Variants in SPSB4 observed in about 807,000 individuals in gnomAD.
SPSB4 encodes splA/ryanodine receptor domain and SOCS box containing 4, also known as SPRY domain-containing SOCS box protein 4.
A neutral mutation model predicts 20.9 loss-of-function variants in SPSB4; 21 were observed. The ratio of observed to expected loss-of-function variants is 1.01; its 90% CI spans 0.71 to 1.45. The LOEUF (loss-of-function observed/expected upper bound fraction) is 1.45, where lower values mean the gene tolerates loss of function less well. Ranked by LOEUF, SPSB4 falls within the 40% of genes most tolerant of loss-of-function variation. The probability of loss-of-function intolerance (pLI) is 0.00; values close to 1 mark genes in which losing one functional copy is unlikely to be tolerated. For missense variants in SPSB4, 399 were observed against 399.2 expected (o/e 1.00, Z 0.00); for synonymous variants, 207 against 183.8 (o/e 1.13, Z -1.02).
At chr3:141,063,706 T>C (rs1937811314) in intron 1 of SPSB4, among the ~76,000 whole-genome samples, 1 of 152,248 alleles carries the variant, frequency 6.6e-6, no homozygotes, top group African/African-American at 2.4e-5. Flanking sequence ...CGTTTATTCC[T>C]TTCTTTCTTC....
Position 141,071,661 on chromosome 3 carries a change from G to A in SPSB4, c.694+4863G>A, listed in dbSNP as rs561120638. On this transcript the variant is annotated intron_variant, in intron 2 of 2. Coordinates refer to ENST00000310546, the MANE Select transcript of SPSB4 (RefSeq NM_080862.3). Reference sequence around the variant, plus strand: ...CCTATGCCTGGGCCAACCTGCCCAAGCCTGCCCACCACTGAGCATGGCCTG... The same window carrying A: ...CCTATGCCTGGGCCAACCTGCCCAAACCTGCCCACCACTGAGCATGGCCTG... Among the ~76,000 whole-genome samples the A allele has an allele frequency of 3.5e-3, 540 of 152,228 alleles. 3 individuals are homozygous for A. Among genetic ancestry groups the A allele is most frequent in the Non-Finnish European group, 5.9e-3 (403 of 68,006 alleles).
At chr3:141,063,560 T>C (rs1054297900) in intron 1 of SPSB4, among the ~76,000 whole-genome samples, 1 of 152,254 alleles carries the variant, frequency 6.6e-6, no homozygotes, top group Non-Finnish European at 1.5e-5. Context: ...TAATCTTTTG[T>C]TGAGACCATG....
intron 1 of SPSB4, among the ~76,000 whole-genome samples, chr3:141,063,069 C>T (rs1215772251): frequency 1.3e-5 from 2 of 152,154 alleles, no homozygotes; most frequent in Non-Finnish European, 2.9e-5. Context: ...TTGGTGAGTT[C>T]GGTCTTCAAT....
At chr3:141,063,238 T>G (rs936744532) in intron 1 of SPSB4, among the ~76,000 whole-genome samples, 3 of 152,252 alleles carry the variant, frequency 2.0e-5, no homozygotes. Flanking sequence ...ATTTTCAAAA[T>G]TGTTAAATCA....
intron 2 of SPSB4, among the ~76,000 whole-genome samples, chr3:141,083,486 G>A (rs1480492459): frequency 1.3e-5 from 2 of 152,088 alleles, no homozygotes; most frequent in Non-Finnish European, 2.9e-5. Context: ...GGCCAGGGAG[G>A]TGACCCTTTT....
chr3:141,085,070 G>T (rs575373912), intron 2 of SPSB4, among the ~76,000 whole-genome samples: 3 of 152,324 alleles, frequency 2.0e-5, no homozygotes, highest in African/African-American at 7.2e-5. Flanking sequence ...AGTCTTGGAG[G>T]ATGGGTTGGC....
At chr3:141,081,202 A>G (rs1938221715) in intron 2 of SPSB4, among the ~76,000 whole-genome samples, 2 of 152,240 alleles carry the variant, frequency 1.3e-5, no homozygotes, top group African/African-American at 4.8e-5. Flanking sequence ...TTTAATTAAA[A>G]TCAAATAAAG....
intron 2 of SPSB4, among the ~76,000 whole-genome samples, chr3:141,108,620 T>C (rs894201506): frequency 2.6e-5 from 4 of 152,230 alleles, no homozygotes; most frequent in Admixed American, 6.5e-5. Context: ...ACCGAGGCCA[T>C]GCCTCAAAGA....
At chr3:141,079,980 C>A (rs886239228) in intron 2 of SPSB4, among the ~76,000 whole-genome samples, 3 of 152,186 alleles carry the variant, frequency 2.0e-5, no homozygotes, top group Non-Finnish European at 4.4e-5. Context: ...ACCAACATGT[C>A]TTTCCATCTT....
intron 2 of SPSB4, among the ~76,000 whole-genome samples, chr3:141,119,189 T>A (rs1938925160): frequency 1.3e-5 from 2 of 152,230 alleles, no homozygotes; most frequent in South Asian, 4.1e-4. Flanking sequence ...GTAGTTCTCC[T>A]TGAAGAGGTC....
intron 2 of SPSB4, among the ~76,000 whole-genome samples, chr3:141,095,037 G>A (rs1938522385): frequency 1.3e-5 from 2 of 152,102 alleles, no homozygotes; most frequent in African/African-American, 4.8e-5. Context: ...TGAGAGAAAA[G>A]GCTCCACTGG....
intron 2 of SPSB4, among the ~76,000 whole-genome samples, chr3:141,134,026 TTTTCTTTTC>T (rs1939181004): frequency 1.7e-5 from 2 of 117,542 alleles, no homozygotes; most frequent in African/African-American, 4.1e-5. Flanking sequence ...TCCTTTTTTT[TTTTCTTTTC>T]TTTTTTTTTT....
chr3:141,104,928 G>A (rs556399567), intron 2 of SPSB4, among the ~76,000 whole-genome samples: 2 of 152,300 alleles, frequency 1.3e-5, no homozygotes, highest in South Asian at 2.1e-4. Context: ...AGCCTGAGGG[G>A]TAGGAGTACA....
At chr3:141,088,677 G>A (rs1938395488) in intron 2 of SPSB4, among the ~76,000 whole-genome samples, 1 of 152,208 alleles carries the variant, frequency 6.6e-6, no homozygotes, top group South Asian at 2.1e-4. Context: ...AGCCTCCAGG[G>A]AGACAGTTCT....
chr3:141,130,329 G>A (rs140095784), intron 2 of SPSB4, among the ~76,000 whole-genome samples: 53 of 152,276 alleles, frequency 3.5e-4, no homozygotes, highest in African/African-American at 1.1e-3. Context: ...GCAGCATGAG[G>A]GGAGTCTCAG....
chr3:141,111,687 A>G (rs1366146530), intron 2 of SPSB4, among the ~76,000 whole-genome samples: 2 of 152,160 alleles, frequency 1.3e-5, no homozygotes, highest in African/African-American at 4.8e-5. Flanking sequence ...TTAGGGCCCC[A>G]TTAATCCTCT....
chr3:141,069,490 C>T (rs1475316116), intron 2 of SPSB4, among the ~76,000 whole-genome samples: 3 of 152,084 alleles, frequency 2.0e-5, no homozygotes, highest in African/African-American at 7.2e-5. Context: ...GTGGCAGGTC[C>T]CCAAACTCAG....
At chr3:141,129,199 C>T (rs1436730749) in intron 2 of SPSB4, among the ~76,000 whole-genome samples, 1 of 152,200 alleles carries the variant, frequency 6.6e-6, no homozygotes, top group East Asian at 1.9e-4. Context: ...CACATCCTGC[C>T]CACCTCTGCT....
chr3:141,086,419 T>C (rs938967365), intron 2 of SPSB4, among the ~76,000 whole-genome samples: 6 of 152,252 alleles, frequency 3.9e-5, no homozygotes, highest in African/African-American at 1.4e-4. Context: ...CTCTCTGTGC[T>C]TCAGTTTCCT....
Sources: gnomAD v4.1 joint callset for allele counts (sites outside exome capture counted in the v4.1 genomes callset) on GRCh38, gnomAD v4.1.1 for gene constraint, MANE v1.5 for transcripts, NCBI Gene and HGNC (gene_info 2026-07-23, HGNC 2026-07-21) for gene names.